Variants in SAMD5 observed in about 807,000 individuals in gnomAD.
SAMD5 encodes sterile alpha motif domain-containing protein 5.
A neutral mutation model predicts 11.3 loss-of-function variants in SAMD5; 13 were observed. The ratio of observed to expected loss-of-function variants is 1.15; its 90% CI spans 0.75 to 1.83. The LOEUF (loss-of-function observed/expected upper bound fraction) is 1.83, where lower values mean the gene tolerates loss of function less well. Ranked by LOEUF, SAMD5 falls within the 40% of genes most tolerant of loss-of-function variation. The pLI is 0.00. For synonymous variants in SAMD5, 129 were observed against 111.3 expected (o/e 1.16, Z -1.00); for missense variants, 255 against 239.1 (o/e 1.07, Z -0.44).
At chr6:147,814,594 G>A in the SAMD5 span, among the ~76,000 whole-genome samples, 1 of 152,096 alleles carries the variant, frequency 6.6e-6, no homozygotes, top group South Asian at 2.1e-4. Flanking sequence ...AACCTCCAGA[G>A]CACCATTCAA....
chr6:147,584,170 T>C (rs889702796), intron 1 of SAMD5, among the ~76,000 whole-genome samples: 1 of 152,076 alleles, frequency 6.6e-6, no homozygotes, highest in African/African-American at 2.4e-5. Flanking sequence ...AATATCAGCA[T>C]TGAGCATGTA....
chr6:147,730,092 A>T (rs1445345519), intron 1 of SAMD5: 2 of 430,884 alleles, frequency 4.6e-6, no homozygotes, highest in African/African-American at 4.2e-5. Flanking sequence ...AAAAAAAAAA[A>T]GAAAAGAAAA....
the SAMD5 span, among the ~76,000 whole-genome samples, chr6:147,945,175 T>A: frequency 3.3e-5 from 5 of 152,110 alleles, no homozygotes. Flanking sequence ...TTGCCCTTTA[T>A]CCCCCGACTA....
In SAMD5 at chr6:147,566,808, G is replaced by T; in HGVS notation, c.*2352G>T. The T allele has an allele frequency of 1.0e-6, 1 of 981,610 alleles. No homozygotes were observed. The highest frequency in any genetic ancestry group is 1.2e-6 in the Non-Finnish European group (1 of 826,538). 60.8% of individuals were successfully genotyped at this position (981,610 alleles called of 1,614,324 possible). The stretch of plus-strand genomic sequence containing the variant: ...TTGAAGGATGCCCACGAATTCCTTT[G>T]CATTAAAATCAAGATGAGGTAAGAG... On this transcript the variant is annotated 3_prime_UTR_variant, in exon 2 of 2. Transcript: ENST00000367474.
chr6:147,837,253 C>T, the SAMD5 span, among the ~76,000 whole-genome samples: 2 of 152,078 alleles, frequency 1.3e-5, no homozygotes, highest in African/African-American at 4.8e-5. Context: ...TCTTCTTACC[C>T]CAGAAGACTC....
intron 1 of SAMD5, among the ~76,000 whole-genome samples, chr6:147,668,089 A>C (rs1261347710): frequency 6.6e-6 from 1 of 152,204 alleles, no homozygotes; most frequent in East Asian, 1.9e-4. Flanking sequence ...TCAAATTCAT[A>C]CTAAAATATA....
chr6:147,893,311 G>A, the SAMD5 span, among the ~76,000 whole-genome samples: 1 of 152,132 alleles, frequency 6.6e-6, no homozygotes, highest in Non-Finnish European at 1.5e-5. Context: ...GGAAATGGAG[G>A]ATTAGAGGAG....
At chr6:147,587,896 C>A (rs1789398469) in intron 1 of SAMD5, among the ~76,000 whole-genome samples, 1 of 152,128 alleles carries the variant, frequency 6.6e-6, no homozygotes, top group Non-Finnish European at 1.5e-5. Context: ...TAGAGCTGAA[C>A]TGTGAGGATT....
chr6:147,521,141 TTTA>T (rs1443482910), intron 1 of SAMD5, among the ~76,000 whole-genome samples: 1 of 152,162 alleles, frequency 6.6e-6, no homozygotes. Flanking sequence ...TTATTATTTT[TTTA>T]TTATTTGAAA....
chr6:147,634,069 G>A (rs1562338896), intron 1 of SAMD5, among the ~76,000 whole-genome samples: 1 of 151,944 alleles, frequency 6.6e-6, no homozygotes, highest in African/African-American at 2.4e-5. Context: ...TAATATAAAT[G>A]AAATCGTACA....
chr6:147,699,207 C>T (rs1791219237), intron 1 of SAMD5, among the ~76,000 whole-genome samples: 1 of 152,182 alleles, frequency 6.6e-6, no homozygotes, highest in African/African-American at 2.4e-5. Context: ...ACTTGGTATC[C>T]TTCAGCACCT....
the SAMD5 span, among the ~76,000 whole-genome samples, chr6:147,909,557 CTTTTTTCTTTCT>C: frequency 9.2e-5 from 12 of 130,274 alleles, no homozygotes; most frequent in African/African-American, 3.8e-4. Flanking sequence ...GACCATCCAT[CTTTTTTCTTTCT>C]TTCTTTCTTT....
chr6:147,762,092 T>C, the SAMD5 span, among the ~76,000 whole-genome samples: 1 of 152,180 alleles, frequency 6.6e-6, no homozygotes, highest in Non-Finnish European at 1.5e-5. Context: ...ATCTTAACTG[T>C]AGCTACAATA....
At chr6:147,574,963 AT>A (rs1175255286), downstream of SAMD5, among the ~76,000 whole-genome samples, 1 of 152,216 alleles carries the variant, frequency 6.6e-6, no homozygotes, top group East Asian at 1.9e-4. Context: ...AGTAAGTACC[AT>A]TAAGAAAGGA....
the SAMD5 span, among the ~76,000 whole-genome samples, chr6:147,908,929 T>TG: frequency 9.8e-6 from 1 of 101,934 alleles, no homozygotes; most frequent in African/African-American, 4.9e-5. Context: ...GGCCTCAGGC[T>TG]GGGCACAGTG....
At chr6:147,685,104 C>T (rs896745013) in intron 1 of SAMD5, among the ~76,000 whole-genome samples, 2 of 152,206 alleles carry the variant, frequency 1.3e-5, no homozygotes, top group Middle Eastern at 3.2e-3. Context: ...TTGTCATACT[C>T]CTTTCTAAGT....
the SAMD5 span, among the ~76,000 whole-genome samples, chr6:147,916,140 T>C: frequency 1.1e-4 from 17 of 152,108 alleles, no homozygotes; most frequent in Non-Finnish European, 2.4e-4. Flanking sequence ...ATTTTCTTAA[T>C]CCAGTCTATT....
chr6:147,644,788 T>C (rs1050545492), intron 1 of SAMD5, among the ~76,000 whole-genome samples: 1 of 152,230 alleles, frequency 6.6e-6, no homozygotes, highest in African/African-American at 2.4e-5. Context: ...TTGCAGTATA[T>C]GTGTATTACA....
chr6:147,866,499 T>C, the SAMD5 span, among the ~76,000 whole-genome samples: 6 of 152,286 alleles, frequency 3.9e-5, no homozygotes, highest in Non-Finnish European at 8.8e-5. Context: ...TAATGGTGCA[T>C]AGGAAAAAAA....
Sources: allele counts gnomAD v4.1 joint callset (sites outside exome capture counted in the v4.1 genomes callset), GRCh38; gene constraint gnomAD v4.1.1; transcripts MANE v1.5; gene names NCBI Gene and HGNC (gene_info 2026-07-23, HGNC 2026-07-21).